Variants in SUGCT observed in about 807,000 individuals in gnomAD.
SUGCT encodes succinyl-CoA:glutarate CoA-transferase.
Under a neutral mutation model 55.0 loss-of-function variants are expected in SUGCT, and 41 were observed. The ratio of observed to expected loss-of-function variants is 0.74; its 90% CI spans 0.58 to 0.97. The LOEUF (loss-of-function observed/expected upper bound fraction) is 0.97. SUGCT is among the 50% of genes least tolerant of loss of function. The pLI is 0.00. For missense variants in SUGCT, 568 were observed against 547.8 expected (o/e 1.04, Z -0.37); for synonymous variants, 187 against 200.4 (o/e 0.93, Z 0.56).
chr7:40,901,930 G>A, the SUGCT span, among the ~76,000 whole-genome samples: 3 of 152,164 alleles, frequency 2.0e-5, no homozygotes, highest in African/African-American at 7.2e-5. Flanking sequence ...GAGCCTTGCG[G>A]TGCACATCCA....
chr7:40,625,824 A>T (rs527301335), intron 12 of SUGCT, among the ~76,000 whole-genome samples: 101 of 152,288 alleles, frequency 6.6e-4, no homozygotes, highest in African/African-American at 2.2e-3. Flanking sequence ...TAGAACAGTC[A>T]GGGTCCATGT....
At position 40,158,143 on chromosome 7, in the gene SUGCT, A is replaced by G. The variant is rs189660346; in HGVS notation, c.101-22804A>G. On this transcript the variant is annotated intron_variant, in intron 1 of 13. Coordinates refer to ENST00000335693, the MANE Select transcript of SUGCT (RefSeq NM_001193313.2). The stretch of plus-strand genomic sequence containing the variant: ...ATTGAACCCGGGAGGTGGAGGTTGC[A>G]GTGAGCCGAGAGCGTACCACTGCAC... Among the ~76,000 whole-genome samples, 76 of 152,190 alleles carry G rather than the reference A, an allele frequency of 5.0e-4. No individual in the cohort carries two copies. The East Asian group carries it at 0.014, about 28-fold the overall frequency.
rs1011591707 is a variant in SUGCT at position 40,436,916 on chromosome 7, T to C, written c.817-12371T>C. Among the ~76,000 whole-genome samples, 5 of 152,222 alleles carry C rather than the reference T, an allele frequency of 3.3e-5. No homozygotes were observed. The East Asian group carries it at 9.6e-4, about 29-fold the overall frequency. On this transcript the variant is annotated intron_variant, in intron 9 of 13. Coordinates refer to ENST00000335693, the MANE Select transcript of SUGCT (RefSeq NM_001193313.2). ...ATGGTCTCTTGTCTAGAATTTTTTT[T>C]GCATAGTTTCTGTGAAGCAGTAGCT...
intron 9 of SUGCT, among the ~76,000 whole-genome samples, chr7:40,424,325 A>G (rs1257141480): frequency 2.0e-5 from 3 of 152,170 alleles, no homozygotes; most frequent in African/African-American, 4.8e-5. Context: ...TTCTTTTTGC[A>G]CATACTTGAT....
chr7:40,582,449 C>A (rs1423147253), intron 12 of SUGCT, among the ~76,000 whole-genome samples: 1 of 152,160 alleles, frequency 6.6e-6, no homozygotes, highest in African/African-American at 2.4e-5. Context: ...AATTGAGGCA[C>A]AGGGTCTTGA....
At chr7:40,460,091 T>C (rs1321207030) in intron 11 of SUGCT, among the ~76,000 whole-genome samples, 1 of 152,234 alleles carries the variant, frequency 6.6e-6, no homozygotes, top group South Asian at 2.1e-4. Context: ...GTAGTATACA[T>C]CAAAGTTATA....
intron 9 of SUGCT, among the ~76,000 whole-genome samples, chr7:40,438,815 T>C (rs912039207): frequency 4.0e-5 from 6 of 151,342 alleles, no homozygotes; most frequent in Non-Finnish European, 5.9e-5. Context: ...TCTGTTAGAG[T>C]GAGGCAACCA....
At chr7:40,683,968 T>C in intron 12 of SUGCT, 3 of 1,556,140 alleles carry the variant, frequency 1.9e-6, no homozygotes, top group South Asian at 1.2e-5. Flanking sequence ...GGAAAAGCCA[T>C]TTCCTTGATC....
chr7:40,275,913 G>A lies in SUGCT; in HGVS notation c.720+1257G>A, dbSNP rs146122485. 3.4e-3 allele frequency among the ~76,000 whole-genome samples: 521 copies of A among 152,204 alleles called. 2 individuals are homozygous for A. The highest frequency in any genetic ancestry group is 0.012 in the African/African-American group (478 of 41,542). ...TTGATTCTGAATAGATAATTTTTCC[G>A]TGATAGAAAAAGAAAATATCTGATT... On this transcript the variant is annotated intron_variant, in intron 8 of 13. Coordinates refer to ENST00000335693, the MANE Select transcript of SUGCT (RefSeq NM_001193313.2).
chr7:40,591,018 C>T (rs924087403), intron 12 of SUGCT, among the ~76,000 whole-genome samples: 2 of 152,088 alleles, frequency 1.3e-5, no homozygotes, highest in Non-Finnish European at 2.9e-5. Flanking sequence ...CCTACTGACA[C>T]AGCATCCATT....
At chr7:40,323,067 TG>T (rs1416544972) in intron 9 of SUGCT, among the ~76,000 whole-genome samples, 3 of 152,178 alleles carry the variant, frequency 2.0e-5, no homozygotes, top group Admixed American at 1.3e-4. Flanking sequence ...CCAAACCTTT[TG>T]GCCATCTGTT....
rs1175856168 is a variant in SUGCT, at chr7:40,654,075, CT to C, written c.1090-95357del. Among the ~76,000 whole-genome samples, 4 of 152,154 alleles carry C rather than the reference CT, an allele frequency of 2.6e-5. No individual in the cohort carries two copies. The East Asian group carries it at 7.7e-4, about 29-fold the overall frequency. ...AGAATTAGTTTTAAGTAATATATCA[CT>C]TACTTTCCCATAAGGTATCAATATC... is the stretch of plus-strand genomic sequence containing the variant. On this transcript the variant is annotated intron_variant, in intron 12 of 13. Coordinates refer to ENST00000335693, the MANE Select transcript of SUGCT (RefSeq NM_001193313.2).
chr7:40,862,121 A>G (rs894428190), downstream of SUGCT, among the ~76,000 whole-genome samples: 1 of 152,240 alleles, frequency 6.6e-6, no homozygotes, highest in Non-Finnish European at 1.5e-5. Context: ...CTTACTGGGC[A>G]GACCCTAAAT....
At chr7:40,899,049 C>T in the SUGCT span, among the ~76,000 whole-genome samples, 1 of 152,190 alleles carries the variant, frequency 6.6e-6, no homozygotes, top group Admixed American at 6.5e-5. Context: ...CAACTGTGGC[C>T]TCCAAGCCAC....
At chr7:40,871,800 C>CG in the SUGCT span, among the ~76,000 whole-genome samples, 2 of 151,740 alleles carry the variant, frequency 1.3e-5, no homozygotes, top group Non-Finnish European at 2.9e-5. Context: ...TTAACCTCTT[C>CG]GGGGGAGCTC....
At chr7:40,587,137 T>C (rs1797422201) in intron 12 of SUGCT, among the ~76,000 whole-genome samples, 1 of 152,170 alleles carries the variant, frequency 6.6e-6, no homozygotes, top group Non-Finnish European at 1.5e-5. Flanking sequence ...GAGCTGGCAG[T>C]GAAAGGCAGG....
chr7:40,234,952 T>C (rs1788929106), intron 6 of SUGCT, among the ~76,000 whole-genome samples: 1 of 152,108 alleles, frequency 6.6e-6, no homozygotes, highest in Non-Finnish European at 1.5e-5. Flanking sequence ...ATAATGGTTT[T>C]ATTTTTTCTT....
At chr7:40,663,306 A>G (rs946950055) in intron 12 of SUGCT, among the ~76,000 whole-genome samples, 5 of 151,334 alleles carry the variant, frequency 3.3e-5, no homozygotes, top group African/African-American at 1.2e-4. Flanking sequence ...CAAAAAAAAA[A>G]TCTGGAAAGT....
At chr7:40,267,581 C>A (rs532580113) in intron 7 of SUGCT, among the ~76,000 whole-genome samples, 1 of 152,186 alleles carries the variant, frequency 6.6e-6, no homozygotes, top group South Asian at 2.1e-4. Context: ...CCCATTCATC[C>A]CAGAGTTAAG....
Sources: allele counts gnomAD v4.1 joint callset (sites outside exome capture counted in the v4.1 genomes callset), GRCh38; gene constraint gnomAD v4.1.1; transcripts MANE v1.5; gene names NCBI Gene and HGNC (gene_info 2026-07-23, HGNC 2026-07-21).